Variants in SLC36A1 observed in about 807,000 individuals in gnomAD.
The protein encoded by SLC36A1 is solute carrier family 36 member 1, also known as proton-coupled amino acid transporter 1.
SLC36A1 carries 30 observed loss-of-function variants against 47.5 expected under a neutral mutation model. The ratio of observed to expected loss-of-function variants is 0.63; its 90% CI spans 0.47 to 0.86. SLC36A1 has a LOEUF of 0.86. Among genes scored for constraint, SLC36A1 ranks in the 40% least tolerant of loss-of-function variants. The probability of loss-of-function intolerance (pLI) is 0.00; values close to 1 mark genes in which losing one functional copy is unlikely to be tolerated. For synonymous variants in SLC36A1, 255 were observed against 249.7 expected (o/e 1.02, Z -0.20); for missense variants, 517 against 606.0 (o/e 0.85, Z 1.54).
intron 1 of SLC36A1, among the ~76,000 whole-genome samples, chr5:151,451,687 A>T (rs1313189541): frequency 6.6e-6 from 1 of 152,158 alleles, no homozygotes; most frequent in Non-Finnish European, 1.5e-5. Flanking sequence ...TGTGATGTAG[A>T]TGTTATTAAT....
the SLC36A1 span, among the ~76,000 whole-genome samples, chr5:151,371,938 A>G: frequency 1.2e-4 from 19 of 152,094 alleles, no homozygotes; most frequent in Non-Finnish European, 2.6e-4. Flanking sequence ...TGTGACTGTT[A>G]CACTCTGGAT....
chr5:151,428,802 T>G, the SLC36A1 span, among the ~76,000 whole-genome samples: 6 of 152,182 alleles, frequency 3.9e-5, no homozygotes, highest in Non-Finnish European at 7.3e-5. Flanking sequence ...CCAGCTAATT[T>G]TTGTATTTTT....
At chr5:151,535,195 T>C in the SLC36A1 span, among the ~76,000 whole-genome samples, 14 of 152,088 alleles carry the variant, frequency 9.2e-5, 2 homozygotes, top group African/African-American at 3.4e-4. Context: ...TTTTCATGCA[T>C]GGCTCCTGCC....
chr5:151,491,991 C>G lies in SLC36A1; in HGVS notation c.*3737C>G, dbSNP rs978414389. 1 of 152,248 alleles carries G rather than the reference C, an allele frequency of 6.6e-6. No homozygotes were observed. Among genetic ancestry groups the G allele is most frequent in the Non-Finnish European group, 1.5e-5 (1 of 68,070 alleles). 9.4% of individuals were successfully genotyped at this position (152,248 alleles called of 1,614,324 possible). On this transcript the variant is annotated 3_prime_UTR_variant, in exon 11 of 11. Coordinates refer to ENST00000243389, the MANE Select transcript of SLC36A1 (RefSeq NM_078483.4). ...TTCCTTTGTGCCACTGAGTCGTTCC[C>G]TGGCCAGAGGACATAAATGGTGCTG...
chr5:151,503,102 C>G, the SLC36A1 span, among the ~76,000 whole-genome samples: 6 of 147,732 alleles, frequency 4.1e-5, no homozygotes, highest in Non-Finnish European at 8.8e-5. Flanking sequence ...AGGAAGAGCA[C>G]AGAGGATTTT....
chr5:151,347,359 G>C, the SLC36A1 span: 3 of 1,614,246 alleles, frequency 1.9e-6, no homozygotes, highest in East Asian at 4.5e-5. Context: ...AGAATGTAGA[G>C]TCCTTGTTCT....
At chr5:151,462,539 A>G (rs1302351102) in intron 2 of SLC36A1, among the ~76,000 whole-genome samples, 1 of 151,630 alleles carries the variant, frequency 6.6e-6, no homozygotes, top group Non-Finnish European at 1.5e-5. Flanking sequence ...TAATTTTTAT[A>G]TTTTTAGTAG....
chr5:151,531,969 G>A, the SLC36A1 span: 4 of 1,613,948 alleles, frequency 2.5e-6, no homozygotes, highest in South Asian at 1.1e-5. The surrounding 1 kb of genome is among the most constrained non-coding windows in gnomAD (Gnocchi z 5.7). Flanking sequence ...GGGCATTGGC[G>A]CCTGGCAGGG....
At chr5:151,506,050 C>G in the SLC36A1 span, 1 of 1,558,602 alleles carries the variant, frequency 6.4e-7, no homozygotes, top group Admixed American at 2.0e-5. Flanking sequence ...TCCCAGCGTT[C>G]GTTCCTGGAG....
the SLC36A1 span, among the ~76,000 whole-genome samples, chr5:151,516,376 C>T: frequency 4.6e-5 from 7 of 152,118 alleles, no homozygotes; most frequent in Non-Finnish European, 5.9e-5. Flanking sequence ...AATTAGTGAG[C>T]GTGGTTGCAC....
chr5:151,553,970 A>G, the SLC36A1 span, among the ~76,000 whole-genome samples: 1 of 152,202 alleles, frequency 6.6e-6, no homozygotes, highest in African/African-American at 2.4e-5. Flanking sequence ...GCTACCTGAT[A>G]TATTGGCTTC....
chr5:151,451,306 G>A (rs566440235), intron 1 of SLC36A1, among the ~76,000 whole-genome samples: 20 of 152,104 alleles, frequency 1.3e-4, no homozygotes, highest in African/African-American at 4.8e-4. Flanking sequence ...TCCCACCTTG[G>A]CCTCCCAAAG....
At chr5:151,543,634 G>T in the SLC36A1 span, 1 of 1,614,136 alleles carries the variant, frequency 6.2e-7, no homozygotes, top group Non-Finnish European at 8.5e-7. Context: ...AATCACCTTG[G>T]TTCCAACCAT....
chr5:151,551,583 C>CA, the SLC36A1 span: 1 of 1,614,184 alleles, frequency 6.2e-7, no homozygotes, highest in Non-Finnish European at 8.5e-7. Context: ...TTCTCAATGT[C>CA]AAAGTCCATG....
the SLC36A1 span, among the ~76,000 whole-genome samples, chr5:151,413,812 C>T: frequency 6.6e-6 from 1 of 151,956 alleles, no homozygotes; most frequent in Non-Finnish European, 1.5e-5. Flanking sequence ...CCTGTAGATT[C>T]ATTTCGGAAA....
At chr5:151,376,980 C>T in the SLC36A1 span, among the ~76,000 whole-genome samples, 1 of 152,074 alleles carries the variant, frequency 6.6e-6, no homozygotes, top group African/African-American at 2.4e-5. Context: ...ACCCAAAGAT[C>T]GTTAAGGGAC....
the SLC36A1 span, among the ~76,000 whole-genome samples, chr5:151,385,387 T>G: frequency 2.6e-5 from 4 of 152,254 alleles, no homozygotes; most frequent in Admixed American, 1.3e-4. Context: ...AGTCACATTT[T>G]TAAACCTTGT....
the SLC36A1 span, chr5:151,347,370 C>A: frequency 1.2e-6 from 2 of 1,614,096 alleles, no homozygotes; most frequent in Non-Finnish European, 1.7e-6. Context: ...TCCTTGTTCT[C>A]CAACTTCTTG....
chr5:151,408,971 ATTTT>A, the SLC36A1 span, among the ~76,000 whole-genome samples: 5 of 141,990 alleles, frequency 3.5e-5, no homozygotes, highest in African/African-American at 1.3e-4. Flanking sequence ...GGTGAGGGTG[ATTTT>A]TTTTTTCTTT....
Sources: allele counts gnomAD v4.1 joint callset (sites outside exome capture counted in the v4.1 genomes callset), GRCh38; gene constraint gnomAD v4.1.1; non-coding constraint Gnocchi (gnomAD v3.1); transcripts MANE v1.5; gene names NCBI Gene and HGNC (gene_info 2026-07-23, HGNC 2026-07-21).